DPP6: variants seen among roughly 807,000 people sequenced by gnomAD.
DPP6 encodes A-type potassium channel modulatory protein DPP6.
In DPP6, 69 loss-of-function variants were observed where a neutral mutation model predicts 122.6. That is an observed-to-expected ratio of 0.56 (90% CI 0.46 to 0.69). DPP6 has a LOEUF of 0.69. Ranked by LOEUF, DPP6 falls within the 30% of genes least tolerant of loss-of-function variation. DPP6 has a pLI of 0.00. For missense variants in DPP6, 928 were observed against 1,116.9 expected (o/e 0.83, Z 2.41); for synonymous variants, 418 against 433.1 (o/e 0.97, Z 0.43).
chr7:154,754,060 C>T (rs548791774), intron 8 of DPP6, among the ~76,000 whole-genome samples: 17 of 152,162 alleles, frequency 1.1e-4, no homozygotes, highest in South Asian at 4.1e-4. Flanking sequence ...GACCTAATTT[C>T]CTGTCTGATC....
At chr7:154,363,166 C>G (rs1377525023) in intron 1 of DPP6, among the ~76,000 whole-genome samples, 1 of 152,196 alleles carries the variant, frequency 6.6e-6, no homozygotes, top group Admixed American at 6.5e-5. Context: ...TATAAGGCCA[C>G]AGAAGCCAGC....
At chr7:154,617,712 A>G (rs1834354717) in intron 5 of DPP6, among the ~76,000 whole-genome samples, 1 of 152,208 alleles carries the variant, frequency 6.6e-6, no homozygotes. Context: ...ATTACTAGAG[A>G]AATAAGCAAA....
chr7:154,523,255 T>G (rs1299216786), intron 3 of DPP6, among the ~76,000 whole-genome samples: 1 of 152,216 alleles, frequency 6.6e-6, no homozygotes, highest in Non-Finnish European at 1.5e-5. Flanking sequence ...TACCCTATAC[T>G]GTACTCTACA....
chr7:154,437,650 C>G (rs549584244), intron 1 of DPP6, among the ~76,000 whole-genome samples: 2 of 152,020 alleles, frequency 1.3e-5, no homozygotes, highest in African/African-American at 4.8e-5. Context: ...AATTGTAAAC[C>G]AAAGGCCAGG....
intron 1 of DPP6, among the ~76,000 whole-genome samples, chr7:154,073,340 CCTT>C (rs1456550370): frequency 6.6e-6 from 1 of 152,158 alleles, no homozygotes; most frequent in Non-Finnish European, 1.5e-5. Context: ...TCCTGGTCCG[CCTT>C]CTTCTCTAAA....
At chr7:154,874,069 GTA>G (rs1804643598) in intron 19 of DPP6, among the ~76,000 whole-genome samples, 2 of 149,024 alleles carry the variant, frequency 1.3e-5, no homozygotes, top group Non-Finnish European at 3.0e-5. Context: ...ACATGTATGT[GTA>G]TATACACATG....
At chr7:154,138,609 C>T (rs1207600023) in intron 1 of DPP6, among the ~76,000 whole-genome samples, 1 of 151,796 alleles carries the variant, frequency 6.6e-6, no homozygotes, top group East Asian at 1.9e-4. Flanking sequence ...TAGGCAGGAG[C>T]ATATTGGACC....
chr7:154,779,047 T>C (rs377610711), intron 10 of DPP6, among the ~76,000 whole-genome samples: 373 of 5,814 alleles, frequency 0.064, no homozygotes, highest in Non-Finnish European at 0.068. Context: ...CCACCACAAC[T>C]ACCCCCACCA....
At chr7:154,284,353 A>C (rs1339056854) in intron 1 of DPP6, among the ~76,000 whole-genome samples, 1 of 152,234 alleles carries the variant, frequency 6.6e-6, no homozygotes, top group Admixed American at 6.5e-5. Flanking sequence ...GGTAAAGAAC[A>C]CAAAAGAATT....
At chr7:154,766,601 C>T (rs1795913568) in intron 8 of DPP6, among the ~76,000 whole-genome samples, 1 of 152,234 alleles carries the variant, frequency 6.6e-6, no homozygotes, top group Non-Finnish European at 1.5e-5. Flanking sequence ...CTCTAAGTTT[C>T]CTTCTAACCG....
intron 1 of DPP6, among the ~76,000 whole-genome samples, chr7:154,211,899 C>G (rs899782958): frequency 6.6e-6 from 1 of 152,198 alleles, no homozygotes; most frequent in African/African-American, 2.4e-5. Context: ...TCTAAACCTC[C>G]CCATTATGAA....
chr7:154,330,709 G>A (rs1189952286), intron 1 of DPP6, among the ~76,000 whole-genome samples: 1 of 152,212 alleles, frequency 6.6e-6, no homozygotes, highest in African/African-American at 2.4e-5. Context: ...GTGCACGTTG[G>A]TGTACACACC....
chr7:154,884,454 TAC>T (rs1029337124), intron 21 of DPP6: 1 of 81,274 alleles, frequency 1.2e-5, no homozygotes, highest in Non-Finnish European at 2.5e-5. Context: ...CATGCTCACA[TAC>T]ACACGAGTAC....
At chr7:154,528,985 A>T (rs970612122) in intron 3 of DPP6, among the ~76,000 whole-genome samples, 1 of 152,196 alleles carries the variant, frequency 6.6e-6, no homozygotes, top group African/African-American at 2.4e-5. Context: ...AGGACCTTAA[A>T]TGTCAGGCTA....
At chr7:153,865,034 T>G in the DPP6 span, among the ~76,000 whole-genome samples, 1 of 152,120 alleles carries the variant, frequency 6.6e-6, no homozygotes, top group Non-Finnish European at 1.5e-5. Flanking sequence ...CTCCAATATT[T>G]GACAGTGGTG....
intron 1 of DPP6, among the ~76,000 whole-genome samples, chr7:154,262,137 GAGGATAACTTC>G (rs970497863): frequency 4.6e-5 from 7 of 152,142 alleles, no homozygotes; most frequent in Non-Finnish European, 1.0e-4. Context: ...AGTGAAAATT[GAGGATAACTTC>G]AGCTCTGCCC....
intron 5 of DPP6, among the ~76,000 whole-genome samples, chr7:154,584,985 A>G (rs1406665301): frequency 6.6e-6 from 1 of 152,108 alleles, no homozygotes; most frequent in Non-Finnish European, 1.5e-5. Context: ...TAAGACCTGG[A>G]TAGACTTTTG....
chr7:154,086,747 TA>T (rs1255526808), intron 1 of DPP6, among the ~76,000 whole-genome samples: 1 of 151,804 alleles, frequency 6.6e-6, no homozygotes, highest in Admixed American at 6.6e-5. Flanking sequence ...GCCTCCTGAG[TA>T]GCTGGCATTA....
At chr7:153,758,031 T>C in the DPP6 span, among the ~76,000 whole-genome samples, 6 of 152,168 alleles carry the variant, frequency 3.9e-5, no homozygotes, top group African/African-American at 1.4e-4. Context: ...TTGGCATAGA[T>C]ATCAAAAACT....
Sources: allele counts gnomAD v4.1 joint callset (sites outside exome capture counted in the v4.1 genomes callset), GRCh38; gene constraint gnomAD v4.1.1; transcripts MANE v1.5; gene names NCBI Gene and HGNC (gene_info 2026-07-23, HGNC 2026-07-21).